PPP1R12B: variants seen among roughly 807,000 people sequenced by gnomAD.
PPP1R12B encodes the protein protein phosphatase 1 regulatory subunit 12B, also known as myosin phosphatase target subunit 2.
In PPP1R12B, 76 loss-of-function variants were observed where a neutral mutation model predicts 126.1. That is an observed-to-expected ratio of 0.60 (90% CI 0.50 to 0.73). The LOEUF is 0.73. Ranked by LOEUF, PPP1R12B falls within the 30% of genes least tolerant of loss-of-function variation. The pLI, the probability that PPP1R12B is intolerant of heterozygous loss-of-function variation, is 0.00. For synonymous variants in PPP1R12B, 356 were observed against 434.7 expected, an observed-to-expected ratio of 0.82 and a Z score of 2.25; for missense variants, 1,052 against 1,205.1, an observed-to-expected ratio of 0.87 and a Z score of 1.88.
At chr1:202,544,619 T>C (rs1483683272) in intron 18 of PPP1R12B, among the ~76,000 whole-genome samples, 1 of 152,232 alleles carries the variant, frequency 6.6e-6, no homozygotes, top group Non-Finnish European at 1.5e-5. Flanking sequence ...GTATTTGTTA[T>C]AATAGGATTT....
chr1:202,375,712 G>A (rs554548028), intron 1 of PPP1R12B, among the ~76,000 whole-genome samples: 43 of 152,246 alleles, frequency 2.8e-4, no homozygotes, highest in African/African-American at 8.2e-4. Context: ...CACCATGCTC[G>A]AGTAATTTTT....
At chr1:202,377,231 A>C (rs1010740387) in intron 1 of PPP1R12B, among the ~76,000 whole-genome samples, 1 of 152,080 alleles carries the variant, frequency 6.6e-6, no homozygotes, top group Admixed American at 6.6e-5. Flanking sequence ...TGGGAAAGGC[A>C]TGGTTCCTGG....
intron 18 of PPP1R12B, among the ~76,000 whole-genome samples, chr1:202,557,084 C>T (rs1462011632): frequency 6.6e-6 from 1 of 152,212 alleles, no homozygotes; most frequent in East Asian, 1.9e-4. Flanking sequence ...ACCTCTTGTG[C>T]TCAAGTGATC....
At chr1:202,440,837 T>C (rs1418869390) in intron 11 of PPP1R12B, 49 bp downstream of exon 11, 3 of 1,462,008 alleles carry the variant, frequency 2.1e-6, no homozygotes, top group Admixed American at 1.7e-5. Flanking sequence ...TTAGGTCTAC[T>C]GGACATAGTC....
At chr1:202,398,757 A>G (rs943430653) in intron 1 of PPP1R12B, among the ~76,000 whole-genome samples, 4 of 152,184 alleles carry the variant, frequency 2.6e-5, no homozygotes, top group African/African-American at 9.7e-5. Flanking sequence ...ATGTTGCCCA[A>G]GTAACTCTGT....
chr1:202,429,813 A>G (rs1669978869), intron 6 of PPP1R12B, among the ~76,000 whole-genome samples: 1 of 152,180 alleles, frequency 6.6e-6, no homozygotes, highest in Admixed American at 6.5e-5. Flanking sequence ...TGAATCAAAG[A>G]ACTATATAGC....
Position 202,497,175 on chromosome 1 carries a change from G to A in PPP1R12B, c.2490+353G>A, listed in dbSNP as rs529412469. Among the ~76,000 whole-genome samples, 12 of 152,266 alleles carry A rather than the reference G, an allele frequency of 7.9e-5. No individual in the cohort carries two copies. The East Asian group carries it at 1.2e-3, about 15-fold the overall frequency. ...GTGATACCAGTTCCTTTTTGGATCC[G>A]CACTAATAGAGAGGGACATAAATGT... On this transcript the variant is annotated intron_variant, in intron 18 of 23. Coordinates refer to ENST00000608999, the MANE Select transcript of PPP1R12B (RefSeq NM_002481.4).
intron 18 of PPP1R12B, among the ~76,000 whole-genome samples, chr1:202,516,972 C>A (rs556268951): frequency 6.6e-6 from 1 of 152,272 alleles, no homozygotes; most frequent in African/African-American, 2.4e-5. Flanking sequence ...GTTGCCCAGA[C>A]CTACATTTTT....
At chr1:202,349,911 G>A (rs1655633262) in intron 1 of PPP1R12B, among the ~76,000 whole-genome samples, 1 of 151,876 alleles carries the variant, frequency 6.6e-6, no homozygotes, top group African/African-American at 2.4e-5. Context: ...GCTTGGTAAC[G>A]ACACCTTTAC....
chr1:202,363,171 T>C (rs948001625), intron 1 of PPP1R12B, among the ~76,000 whole-genome samples: 2 of 152,184 alleles, frequency 1.3e-5, no homozygotes, highest in African/African-American at 4.8e-5. Context: ...TGATCTGTTA[T>C]TAATTTTGGG....
At chr1:202,551,837 G>A (rs12125834) in intron 18 of PPP1R12B, among the ~76,000 whole-genome samples, 24,851 of 152,180 alleles carry the variant, frequency 0.16, 2,672 homozygotes, top group Non-Finnish European at 0.25. Context: ...GAAAAGGAAT[G>A]TAGGAGCTTC....
At chr1:202,394,199 A>G (rs1264392552) in intron 1 of PPP1R12B, among the ~76,000 whole-genome samples, 4 of 151,962 alleles carry the variant, frequency 2.6e-5, no homozygotes, top group Admixed American at 6.6e-5. Context: ...TTAGCCGGGC[A>G]TGGTGGCAGT....
chr1:202,490,877 TG>T (rs1678773068), intron 14 of PPP1R12B, among the ~76,000 whole-genome samples: 1 of 152,224 alleles, frequency 6.6e-6, no homozygotes. Flanking sequence ...CAGTGGACAT[TG>T]GGTTGCTTCC....
intron 19 of PPP1R12B, among the ~76,000 whole-genome samples, 168 bp downstream of exon 19, chr1:202,559,061 A>G (rs1252618482): frequency 1.3e-5 from 2 of 152,198 alleles, no homozygotes; most frequent in Non-Finnish European, 2.9e-5. Flanking sequence ...TCCTGCCCAA[A>G]GCAATGGAAC....
At chr1:202,391,314 G>A (rs1336798037) in intron 1 of PPP1R12B, among the ~76,000 whole-genome samples, 4 of 152,102 alleles carry the variant, frequency 2.6e-5, no homozygotes, top group Non-Finnish European at 4.4e-5. Context: ...GAAATGCAAT[G>A]AAAACCGTAA....
At chr1:202,519,041 A>G (rs918084216) in intron 18 of PPP1R12B, among the ~76,000 whole-genome samples, 4 of 152,166 alleles carry the variant, frequency 2.6e-5, no homozygotes, top group African/African-American at 9.7e-5. Flanking sequence ...AGAAAACAGT[A>G]TGTCTTTAGT....
chr1:202,357,612 A>G (rs1026374946), intron 1 of PPP1R12B, among the ~76,000 whole-genome samples: 6 of 152,214 alleles, frequency 3.9e-5, no homozygotes, highest in African/African-American at 1.2e-4. Flanking sequence ...TAAACCTGAT[A>G]ATAGGGGCAA....
rs67919482 is a variant in PPP1R12B at position 202,588,824 on chromosome 1, AAGATAGATAGATAGATAGATAGAT to A, written c.*8290_*8313del. 1.6e-4 allele frequency: 23 copies of A among 144,230 alleles called. No homozygotes were observed. Among genetic ancestry groups the A allele is most frequent in the East Asian group, 4.1e-4 (2 of 4,896 alleles). 8.9% of individuals were successfully genotyped at this position (144,230 alleles called of 1,614,324 possible). On this transcript the variant is annotated 3_prime_UTR_variant, in exon 24 of 24. Transcript: ENST00000608999. ...CTAGATTGGCGTTCAAAAGAACCGT[AAGATAGATAGATAGATAGATAGAT>A]AGATAGATAGATAGATAGATAGATA... is the stretch of plus-strand genomic sequence containing the variant.
intron 1 of PPP1R12B, among the ~76,000 whole-genome samples, chr1:202,394,991 G>A (rs534749711): frequency 6.6e-6 from 1 of 150,934 alleles, no homozygotes; most frequent in Non-Finnish European, 1.5e-5. Context: ...GGTAGTGGGC[G>A]CTGTAATCCC....
Sources: gnomAD v4.1 joint callset for allele counts (sites outside exome capture counted in the v4.1 genomes callset) on GRCh38, gnomAD v4.1.1 for gene constraint, MANE v1.5 for transcripts, NCBI Gene and HGNC (gene_info 2026-07-23, HGNC 2026-07-21) for gene names.